Variants in TRIM2 observed in about 807,000 individuals in gnomAD.
TRIM2 encodes the protein tripartite motif containing 2, also known as tripartite motif-containing protein 2.
Under a neutral mutation model 75.2 loss-of-function variants are expected in TRIM2, and 20 were observed. The observed-to-expected ratio is 0.27, with a 90% CI of 0.19 to 0.39. The LOEUF is 0.39. TRIM2 is among the 10% of genes least tolerant of loss of function. The pLI is 1.00. For missense variants in TRIM2, 660 were observed against 990.8 expected, an observed-to-expected ratio of 0.67 and a Z score of 4.48; for synonymous variants, 373 against 388.3, an observed-to-expected ratio of 0.96 and a Z score of 0.46.
chr4:153,244,178 T>TCC (rs1747613586), intron 1 of TRIM2, among the ~76,000 whole-genome samples: 3 of 146,502 alleles, frequency 2.0e-5, no homozygotes, highest in African/African-American at 7.9e-5. Flanking sequence ...CTTCTTCTTC[T>TCC]TCTCCTCCTT....
intron 3 of TRIM2, among the ~76,000 whole-genome samples, chr4:153,285,459 T>G (rs1431363090): frequency 1.3e-5 from 2 of 152,170 alleles, no homozygotes; most frequent in African/African-American, 4.8e-5. Context: ...TTCAATTTAT[T>G]CCCAACTATG....
chr4:153,255,383 A>G (rs755720226), intron 1 of TRIM2, among the ~76,000 whole-genome samples: 3 of 152,224 alleles, frequency 2.0e-5, no homozygotes, highest in Non-Finnish European at 2.9e-5. Flanking sequence ...ATCTGGGTTG[A>G]CTGGAAGAAG....
At chr4:153,324,207 T>A in intron 10 of TRIM2, 59 bp downstream of exon 10, 2 of 1,473,866 alleles carry the variant, frequency 1.4e-6, no homozygotes, top group Non-Finnish European at 9.4e-7. Flanking sequence ...GAAATTGGTC[T>A]GCGAGAAAAT....
rs373473895 is a variant in TRIM2 at position 153,162,786 on chromosome 4, T to C, written c.-49+9516T>C. On this transcript the variant is annotated intron_variant, in intron 1 of 11. Transcript: ENST00000437508. ...ACCACACCTCAGTAATAGGAAGAGC[T>C]CTTCTTTCCAGTGAGGCAGCACCAA... 2.0e-3 allele frequency among the ~76,000 whole-genome samples: 300 copies of C among 152,282 alleles called. 5 individuals carry two copies. Among genetic ancestry groups the C allele is most frequent in the African/African-American group, 6.7e-3 (278 of 41,566 alleles).
At chr4:153,284,266 TC>T (rs998336808) in intron 3 of TRIM2, among the ~76,000 whole-genome samples, 1 of 151,354 alleles carries the variant, frequency 6.6e-6, no homozygotes, top group African/African-American at 2.4e-5. Context: ...AGTGACGTGA[TC>T]TTGGTTTACT....
intron 1 of TRIM2, among the ~76,000 whole-genome samples, chr4:153,163,493 A>ATATTTT (rs1390228832): frequency 6.2e-5 from 5 of 80,882 alleles, no homozygotes; most frequent in Admixed American, 1.3e-4. Context: ...CTAGATTTAC[A>ATATTTT]TCTTTTTTTT....
intron 2 of TRIM2, among the ~76,000 whole-genome samples, chr4:153,272,473 T>TTA (rs1756946378): frequency 6.7e-6 from 1 of 149,204 alleles, no homozygotes; most frequent in African/African-American, 2.5e-5. Context: ...TTATTTTTTA[T>TTA]TTTATTAATT....
chr4:153,209,190 A>G (rs1320721390), intron 1 of TRIM2, among the ~76,000 whole-genome samples: 1 of 152,226 alleles, frequency 6.6e-6, no homozygotes, highest in East Asian at 1.9e-4. Flanking sequence ...AACTAGAGTA[A>G]TGGAACACCA....
intron 1 of TRIM2, among the ~76,000 whole-genome samples, chr4:153,176,589 A>T (rs182143744): frequency 3.4e-4 from 51 of 151,498 alleles, no homozygotes; most frequent in African/African-American, 1.1e-3. Flanking sequence ...AATAAGAAAA[A>T]TTTCATGTGC....
intron 1 of TRIM2, among the ~76,000 whole-genome samples, chr4:153,163,191 T>A (rs1027917217): frequency 2.0e-5 from 3 of 151,818 alleles, no homozygotes; most frequent in South Asian, 4.2e-4. Context: ...ATTTACATCA[T>A]TTTTTTTTCT....
intron 1 of TRIM2, among the ~76,000 whole-genome samples, chr4:153,161,240 A>G (rs1195092406): frequency 1.3e-5 from 2 of 152,242 alleles, no homozygotes; most frequent in Admixed American, 1.3e-4. Context: ...AATGTTTATA[A>G]CCAGCCCCTA....
chr4:153,270,669 T>G lies in TRIM2; in HGVS notation c.215+150T>G, dbSNP rs2150036257. The G allele has an allele frequency of 1.2e-5, 8 of 675,240 alleles. No individual in the cohort carries two copies. In the South Asian group the frequency reaches 1.3e-4, roughly 11 times the overall value. 41.8% of individuals were successfully genotyped at this position (675,240 alleles called of 1,614,324 possible). On this transcript the variant is annotated intron_variant, in intron 2 of 11. Transcript: ENST00000338700. Reference sequence around the variant, plus strand: ...AGACATTGAAAAACAGAATCATGAGTTGCAAATAATTTACTTTATTTCAAA... The same window carrying G: ...AGACATTGAAAAACAGAATCATGAGGTGCAAATAATTTACTTTATTTCAAA...
chr4:153,276,456 G>A (rs1487617750), intron 3 of TRIM2, among the ~76,000 whole-genome samples: 1 of 152,154 alleles, frequency 6.6e-6, no homozygotes, highest in African/African-American at 2.4e-5. Context: ...GATAAGTTCT[G>A]TAAGTTGAGA....
chr4:153,165,207 T>C (rs1252571400), intron 1 of TRIM2, among the ~76,000 whole-genome samples: 1 of 152,218 alleles, frequency 6.6e-6, no homozygotes, highest in African/African-American at 2.4e-5. Flanking sequence ...AGATTCTCTT[T>C]TCCTAGAACC....
At chr4:153,162,501 A>G (rs1003027674) in intron 1 of TRIM2, among the ~76,000 whole-genome samples, 5 of 152,230 alleles carry the variant, frequency 3.3e-5, no homozygotes, top group African/African-American at 1.2e-4. Context: ...TGACACCTGC[A>G]TTAGTTAAAT....
At chr4:153,228,174 C>T (rs1442021783) in intron 1 of TRIM2, among the ~76,000 whole-genome samples, 2 of 152,200 alleles carry the variant, frequency 1.3e-5, no homozygotes, top group African/African-American at 4.8e-5. Context: ...CATAAACACC[C>T]TTGTCAACTG....
chr4:153,177,646 C>CA (rs1211243448), intron 1 of TRIM2, among the ~76,000 whole-genome samples: 1,544 of 132,854 alleles, frequency 0.012, 14 homozygotes, highest in African/African-American at 0.027. Flanking sequence ...ACTCCTTCTC[C>CA]AAAAAAAAAA....
At chr4:153,310,021 C>T (rs1422910216) in intron 6 of TRIM2, 1 of 152,130 alleles carries the variant, frequency 6.6e-6, no homozygotes, top group East Asian at 1.9e-4. Context: ...CTTATGTAAT[C>T]TTCCTGGAGG....
chr4:153,207,101 C>A (rs759213586), intron 1 of TRIM2, among the ~76,000 whole-genome samples: 4 of 152,118 alleles, frequency 2.6e-5, no homozygotes, highest in Non-Finnish European at 5.9e-5. Flanking sequence ...AGAGACAAGA[C>A]CAAATATATA....
Sources: gnomAD v4.1 joint callset for allele counts (sites outside exome capture counted in the v4.1 genomes callset) on GRCh38, gnomAD v4.1.1 for gene constraint, MANE v1.5 for transcripts, NCBI Gene and HGNC (gene_info 2026-07-23, HGNC 2026-07-21) for gene names.